ATRN: variants seen among roughly 807,000 people sequenced by gnomAD.
ATRN encodes the protein attractin-2.
ATRN carries 54 observed loss-of-function variants against 178.7 expected under a neutral mutation model. The ratio of observed to expected loss-of-function variants is 0.30; its 90% CI spans 0.24 to 0.38. The LOEUF is 0.38. Among genes scored for constraint, ATRN ranks in the 10% least tolerant of loss-of-function variants. The pLI is 1.00. For synonymous variants in ATRN, 636 were observed against 663.0 expected (o/e 0.96, Z 0.63); for missense variants, 1,443 against 1,815.1 (o/e 0.79, Z 3.73).
Position 3,549,177 on chromosome 20 carries a change from A to T in ATRN, c.951A>T (p.Gly317=). 1.9e-6 allele frequency: 3 copies of T among 1,602,414 alleles called. No individual in the cohort carries two copies. Among genetic ancestry groups the T allele is most frequent in the Non-Finnish European group, 2.6e-6 (3 of 1,176,150 alleles). ...TCATTATGTTTTTATTAGGTCCTGGATGTTCAGTTCCTGTACCAGCTAACC... is the reference window on the plus strand; with the variant it reads ...TCATTATGTTTTTATTAGGTCCTGGTTGTTCAGTTCCTGTACCAGCTAACC... ...CSCFSDWQGP[G]CSVPVPANQS... The change falls in exon 6 of 29, where the codon GGA becomes GGT. Residue 317 remains glycine (G), a synonymous_variant. Coordinates refer to ENST00000262919, the MANE Select transcript of ATRN (RefSeq NM_139321.3).
chr20:3,597,632 T>C (rs1309861501), intron 21 of ATRN, among the ~76,000 whole-genome samples: 1 of 152,226 alleles, frequency 6.6e-6, no homozygotes, highest in Non-Finnish European at 1.5e-5. Flanking sequence ...GGTATAGTGA[T>C]ACCCTTTTAA....
intron 1 of ATRN, among the ~76,000 whole-genome samples, chr20:3,527,379 A>C (rs1174396464): frequency 6.6e-6 from 1 of 152,218 alleles, no homozygotes; most frequent in Non-Finnish European, 1.5e-5. Context: ...ATGAGATACC[A>C]TCTCCCACCA....
intron 9 of ATRN, among the ~76,000 whole-genome samples, 189 bp from the exon 10 acceptor site, chr20:3,563,020 A>G (rs575639123): frequency 2.2e-4 from 34 of 152,214 alleles, no homozygotes; most frequent in Non-Finnish European, 3.7e-4. Flanking sequence ...TATTTTGCCA[A>G]AACTCTTACA....
At chr20:3,643,519 G>A (rs1174685372) in intron 27 of ATRN, among the ~76,000 whole-genome samples, 8 of 149,276 alleles carry the variant, frequency 5.4e-5, no homozygotes, top group South Asian at 4.3e-4. Context: ...AAAAAAAAAA[G>A]GAAAGGAAAG....
chr20:3,630,916 CTTTTTTTTTTTTT>C (rs368394749), intron 25 of ATRN, among the ~76,000 whole-genome samples: 13 of 43,446 alleles, frequency 3.0e-4, no homozygotes, highest in African/African-American at 9.9e-4. Flanking sequence ...ATTTATTTAG[CTTTTTTTTTTTTT>C]TTTTTTTTTT....
chr20:3,611,828 A>G (rs2086771137), intron 24 of ATRN, among the ~76,000 whole-genome samples: 1 of 152,232 alleles, frequency 6.6e-6, no homozygotes, highest in Non-Finnish European at 1.5e-5. Flanking sequence ...GACTAAAATT[A>G]AAAATAGTAA....
intron 10 of ATRN, among the ~76,000 whole-genome samples, chr20:3,565,103 G>GCCT (rs2086013645): frequency 6.6e-6 from 1 of 152,116 alleles, no homozygotes; most frequent in African/African-American, 2.4e-5. Context: ...TTGGGTGAGT[G>GCCT]ATCCAGATGT....
At chr20:3,589,257 C>G (rs1011432086) in intron 18 of ATRN, among the ~76,000 whole-genome samples, 3 of 152,102 alleles carry the variant, frequency 2.0e-5, no homozygotes, top group Non-Finnish European at 4.4e-5. Flanking sequence ...CTTGGCCTCC[C>G]AAAGTGCTGG....
At chr20:3,530,460 T>C (rs1448699059) in intron 1 of ATRN, among the ~76,000 whole-genome samples, 1 of 150,324 alleles carries the variant, frequency 6.7e-6, no homozygotes, top group Non-Finnish European at 1.5e-5. Context: ...TTTGTATTTT[T>C]AGTAGAGATG....
At chr20:3,545,445 C>G (rs1362529676) in intron 3 of ATRN, among the ~76,000 whole-genome samples, 1 of 150,740 alleles carries the variant, frequency 6.6e-6, no homozygotes, top group African/African-American at 2.4e-5. Flanking sequence ...AAATTTGTTA[C>G]TTTATGTGAT....
At position 3,535,239 on chromosome 20, in the gene ATRN, G is replaced by C. The variant is rs750624448; in HGVS notation, c.411-14G>C. On this transcript the variant is annotated splice_polypyrimidine_tract_variant and intron_variant, in intron 1 of 28. Transcript: ENST00000262919. ...ATAGCAGACTTAAGTTTTCTTTCTT[G>C]ATTTAAATTACAGACTAACTGGATC... The C allele has an allele frequency of 2.2e-6, 3 of 1,389,970 alleles. No homozygotes were observed. The highest frequency in any genetic ancestry group is 2.3e-5 in the Admixed American group (1 of 42,966). 86.1% of individuals were successfully genotyped at this position (1,389,970 alleles called of 1,614,324 possible). A position where few individuals can be genotyped will look rare whatever the true frequency, so the allele number is the denominator to read the frequency against.
intron 1 of ATRN, among the ~76,000 whole-genome samples, chr20:3,532,489 C>T (rs778022954): frequency 6.6e-6 from 1 of 152,170 alleles, no homozygotes; most frequent in Non-Finnish European, 1.5e-5. Context: ...TGTAGTACTT[C>T]CAGCTGTAAA....
rs237630 is a variant in ATRN at position 3,578,868 on chromosome 20, G to A, written c.2544+96G>A. 4.0e-3 allele frequency: 4,733 copies of A among 1,195,712 alleles called. 17 individuals are homozygous for A. The highest frequency in any genetic ancestry group is 0.018 in the Middle Eastern group (83 of 4,590). The allele number at this position is 1,195,712 out of a possible 1,614,324, so 74.1% of individuals were successfully genotyped here. A position where few individuals can be genotyped will look rare whatever the true frequency, so the allele number is the denominator to read the frequency against. Reference sequence around the variant, plus strand: ...CATGTGGAAGGCTGTGGATATGTGTGACGTGCTTGGCAAGAAGGGGAGTGC... The same window carrying A: ...CATGTGGAAGGCTGTGGATATGTGTAACGTGCTTGGCAAGAAGGGGAGTGC... On this transcript the variant is annotated intron_variant, in intron 15 of 28. Coordinates refer to ENST00000262919, the MANE Select transcript of ATRN (RefSeq NM_139321.3).
At chr20:3,613,351 C>G (rs1490466491) in intron 24 of ATRN, among the ~76,000 whole-genome samples, 2 of 152,184 alleles carry the variant, frequency 1.3e-5, no homozygotes, top group African/African-American at 4.8e-5. Flanking sequence ...CTGGTTGACA[C>G]TGGTTCTCTC....
At chr20:3,539,907 G>C (rs1224426709) in intron 2 of ATRN, among the ~76,000 whole-genome samples, 2 of 152,172 alleles carry the variant, frequency 1.3e-5, no homozygotes, top group Non-Finnish European at 2.9e-5. Flanking sequence ...ACGTAGTGTG[G>C]AATCTGAAGT....
At chr20:3,566,376 C>T (rs868455172) in intron 11 of ATRN, among the ~76,000 whole-genome samples, 9 of 152,138 alleles carry the variant, frequency 5.9e-5, no homozygotes, top group Non-Finnish European at 2.9e-5. Flanking sequence ...TTGTTCCTTA[C>T]AGTGTGCTTT....
At chr20:3,571,246 TGTG>T (rs2086118650) in intron 11 of ATRN, among the ~76,000 whole-genome samples, 1 of 152,222 alleles carries the variant, frequency 6.6e-6, no homozygotes, top group Non-Finnish European at 1.5e-5. Flanking sequence ...ACGCTAAGCT[TGTG>T]GGAGTTATTT....
chr20:3,575,923 G>A lies in ATRN; in HGVS notation c.2189G>A (p.Arg730Lys). 6.2e-7 allele frequency: 1 copy of A among 1,613,988 alleles called. No individual in the cohort carries two copies. The stretch of plus-strand genomic sequence containing the variant: ...TGGTGCAATGACCATTGTGTCCCCA[G>A]GAACCACAGCTGCTCAGAAGGCCAG... ...CHWCNDHCVP[R>K]NHSCSEGQIS... is the part of the protein sequence containing the mutation. The change falls in exon 13 of 29, where the codon AGG becomes AAG. Residue 730 changes from arginine to lysine, a missense_variant. Arg to Lys is a conservative substitution (Grantham distance 26). Coordinates refer to ENST00000262919, the MANE Select transcript of ATRN (RefSeq NM_139321.3).
At position 3,471,354 on chromosome 20, in the gene ATRN, G is replaced by A. The variant is rs866726262; in HGVS notation, c.247G>A (p.Ala83Thr). ...LLLLLPCEAE[A>T]AAAAAAVSGS... ...GCTGCTGCTGCCCTGTGAGGCCGAG[G>A]CCGCGGCGGCGGCGGCGGCGGTGTC... Residue 83 changes from alanine to threonine, a missense_variant, in exon 1 of 29, where the codon GCC becomes ACC. Ala to Thr is a moderately conservative substitution (Grantham distance 58). Around this residue, in one of 4 missense-constraint regions of ATRN, gnomAD observed 862 missense variants for 972.1 expected, o/e 0.89. Coordinates refer to ENST00000262919, the MANE Select transcript of ATRN (RefSeq NM_139321.3). 2 of 1,485,962 alleles carry A rather than the reference G, an allele frequency of 1.3e-6. No individual in the cohort carries two copies. Among genetic ancestry groups the A allele is most frequent in the Middle Eastern group, 2.1e-4 (1 of 4,810 alleles). 92.0% of individuals were successfully genotyped at this position (1,485,962 alleles called of 1,614,324 possible). A position where few individuals can be genotyped will look rare whatever the true frequency, so the allele number is the denominator to read the frequency against.
Sources: gnomAD v4.1 joint callset for allele counts (sites outside exome capture counted in the v4.1 genomes callset) on GRCh38, gnomAD v4.1.1 for gene constraint, gnomAD v4.1.1 regional missense constraint, MANE v1.5 for transcripts, NCBI Gene and HGNC (gene_info 2026-07-23, HGNC 2026-07-21) for gene names.